PARD3: variants seen among roughly 807,000 people sequenced by gnomAD.
PARD3 encodes par-3 family cell polarity regulator.
Under a neutral mutation model 155.4 loss-of-function variants are expected in PARD3, and 75 were observed. The observed-to-expected ratio is 0.48, with a 90% CI of 0.40 to 0.58. PARD3 has a LOEUF of 0.58. PARD3 is among the 20% of genes least tolerant of loss of function. PARD3 has a pLI of 0.00. For synonymous variants in PARD3, 576 were observed against 610.5 expected (o/e 0.94, Z 0.83); for missense variants, 1,642 against 1,721.7 (o/e 0.95, Z 0.82).
At chr10:34,261,064 T>C (rs1375248183) in intron 22 of PARD3, among the ~76,000 whole-genome samples, 2 of 152,024 alleles carry the variant, frequency 1.3e-5, no homozygotes, top group East Asian at 3.9e-4. Flanking sequence ...GCAGGGGGAG[T>C]CTAGCCTACT....
intron 20 of PARD3, among the ~76,000 whole-genome samples, chr10:34,303,510 G>A (rs1221938393): frequency 6.6e-6 from 1 of 151,216 alleles, no homozygotes; most frequent in Non-Finnish European, 1.5e-5. Flanking sequence ...TATAAAAGGA[G>A]ATAAAATTTT....
intron 3 of PARD3, among the ~76,000 whole-genome samples, chr10:34,510,331 C>T (rs374035245): frequency 5.9e-5 from 9 of 152,270 alleles, no homozygotes; most frequent in East Asian, 1.9e-4. Context: ...TGGGAGCCTC[C>T]GTCAAAGGCA....
intron 2 of PARD3, among the ~76,000 whole-genome samples, chr10:34,648,063 T>C (rs916210681): frequency 3.3e-5 from 5 of 152,332 alleles, no homozygotes; most frequent in African/African-American, 9.6e-5. Flanking sequence ...TGTTTATAAA[T>C]AGAAATATCT....
At chr10:34,573,303 C>A (rs750709697) in intron 2 of PARD3, among the ~76,000 whole-genome samples, 6 of 152,178 alleles carry the variant, frequency 3.9e-5, no homozygotes, top group African/African-American at 1.4e-4. Context: ...CTGTAGTGAA[C>A]CATGATCACA....
At chr10:34,753,110 G>A (rs962270256) in intron 1 of PARD3, among the ~76,000 whole-genome samples, 2 of 152,192 alleles carry the variant, frequency 1.3e-5, no homozygotes, top group African/African-American at 4.8e-5. Context: ...CTCAGGATTG[G>A]TCTGAAAAGC....
intron 1 of PARD3, among the ~76,000 whole-genome samples, chr10:34,814,552 C>G (rs902142783): frequency 8.5e-5 from 13 of 152,124 alleles, no homozygotes; most frequent in African/African-American, 3.1e-4. Context: ...TTGGCTGGGT[C>G]TGCAGACTCC....
intron 21 of PARD3, among the ~76,000 whole-genome samples, chr10:34,279,141 CTTTTTTTTTT>C (rs143467605): frequency 9.8e-6 from 1 of 102,052 alleles, no homozygotes; most frequent in Non-Finnish European, 1.8e-5. Flanking sequence ...ATATTTTTTC[CTTTTTTTTTT>C]TTTTTTTTTT....
At chr10:34,335,381 G>A (rs983026759) in intron 18 of PARD3, among the ~76,000 whole-genome samples, 1 of 151,970 alleles carries the variant, frequency 6.6e-6, no homozygotes, top group African/African-American at 2.4e-5. Context: ...TTAGTGCTAA[G>A]TAGTGTAACT....
At position 34,605,180 on chromosome 10, in the gene PARD3, A is replaced by ATTTTTTTTTTTT. The variant is rs750688603; in HGVS notation, c.223-88033_223-88022dup. Among the ~76,000 whole-genome samples, 8 of 62,480 alleles carry ATTTTTTTTTTTT rather than the reference A, an allele frequency of 1.3e-4. 1 individual carries two copies. Among genetic ancestry groups the ATTTTTTTTTTTT allele is most frequent in the African/African-American group, 4.4e-4 (8 of 18,112 alleles). 41.0% of individuals were successfully genotyped at this position (62,480 alleles called of 152,430 possible). Reference sequence around the variant, plus strand: ...TGATCTGAAACAGCCCCAAAATGAAATTTTTTTTTTTTTTTTTTTTTTTTT... The same window carrying ATTTTTTTTTTTT: ...TGATCTGAAACAGCCCCAAAATGAAATTTTTTTTTTTTTTTTTTTTTTTTTTTTTTTTTTTTT... On this transcript the variant is annotated intron_variant, in intron 2 of 24. Coordinates refer to ENST00000374788, the MANE Select transcript of PARD3 (RefSeq NM_001184785.2).
At chr10:34,280,695 A>T (rs2133914778) in intron 21 of PARD3, among the ~76,000 whole-genome samples, 1 of 152,278 alleles carries the variant, frequency 6.6e-6, no homozygotes, top group Middle Eastern at 3.4e-3. Flanking sequence ...CCGCTGAACC[A>T]GGAGTCAACG....
intron 2 of PARD3, among the ~76,000 whole-genome samples, chr10:34,524,127 G>A (rs1260020522): frequency 6.6e-6 from 1 of 152,048 alleles, no homozygotes; most frequent in Non-Finnish European, 1.5e-5. Context: ...TTATCACAGT[G>A]TATTATCCAA....
chr10:34,336,521 G>T (rs770689377), intron 17 of PARD3, among the ~76,000 whole-genome samples: 1 of 152,024 alleles, frequency 6.6e-6, no homozygotes. Flanking sequence ...TTCTTTATGC[G>T]TATGATAAAT....
At chr10:34,693,694 C>T (rs1189418653) in intron 2 of PARD3, among the ~76,000 whole-genome samples, 4 of 152,084 alleles carry the variant, frequency 2.6e-5, no homozygotes, top group East Asian at 3.9e-4. Flanking sequence ...ACATGTACCC[C>T]TGAATCTAGA....
At chr10:34,714,541 C>T (rs1421950416) in intron 1 of PARD3, among the ~76,000 whole-genome samples, 1 of 152,158 alleles carries the variant, frequency 6.6e-6, no homozygotes, top group South Asian at 2.1e-4. Flanking sequence ...TGCCATACCA[C>T]GGCACAGCTT....
chr10:34,380,014 C>T (rs547619580), intron 9 of PARD3, among the ~76,000 whole-genome samples: 2 of 151,992 alleles, frequency 1.3e-5, no homozygotes, highest in Non-Finnish European at 2.9e-5. Flanking sequence ...TGAACTGAAT[C>T]TGAAGTTTAA....
chr10:34,661,405 T>C (rs767025819), intron 2 of PARD3, among the ~76,000 whole-genome samples: 4 of 152,214 alleles, frequency 2.6e-5, no homozygotes, highest in Non-Finnish European at 5.9e-5. Flanking sequence ...ATGTCAAACT[T>C]TTGTATTGAT....
intron 2 of PARD3, among the ~76,000 whole-genome samples, chr10:34,551,463 A>T (rs1447633989): frequency 6.6e-6 from 1 of 152,190 alleles, no homozygotes; most frequent in African/African-American, 2.4e-5. Context: ...AGGCCACCTC[A>T]GGGTCAAAGA....
At chr10:34,711,918 T>C (rs12264807) in intron 1 of PARD3, among the ~76,000 whole-genome samples, 37,600 of 152,034 alleles carry the variant, frequency 0.25, 5,554 homozygotes, top group East Asian at 0.5. Flanking sequence ...CCAGGAAACA[T>C]TTCAGATGTG....
intron 2 of PARD3, among the ~76,000 whole-genome samples, chr10:34,645,378 G>A (rs190414761): frequency 1.3e-5 from 2 of 151,294 alleles, no homozygotes; most frequent in African/African-American, 2.4e-5. Context: ...ACTAATTTTT[G>A]TATTATTAGT....
Sources: gnomAD v4.1 joint callset for allele counts (sites outside exome capture counted in the v4.1 genomes callset) on GRCh38, gnomAD v4.1.1 for gene constraint, MANE v1.5 for transcripts, NCBI Gene and HGNC (gene_info 2026-07-23, HGNC 2026-07-21) for gene names.